Variants in AATK observed in about 807,000 individuals in gnomAD.
AATK encodes the protein serine/threonine-protein kinase LMTK1.
AATK carries 91 observed loss-of-function variants against 114.3 expected under a neutral mutation model. The observed-to-expected ratio is 0.80, with a 90% confidence interval of 0.67 to 0.95. The LOEUF (loss-of-function observed/expected upper bound fraction) is 0.95. AATK is among the 40% of genes least tolerant of loss of function. The pLI is 0.00. For missense variants in AATK, 2,176 were observed against 1,965.2 expected, an observed-to-expected ratio of 1.11 and a Z score of -2.03; for synonymous variants, 1,075 against 916.5, an observed-to-expected ratio of 1.17 and a Z score of -3.12.
At chr17:81,129,440 A>C (rs2060897243) in intron 3 of AATK, among the ~76,000 whole-genome samples, 1 of 152,156 alleles carries the variant, frequency 6.6e-6, no homozygotes, top group Non-Finnish European at 1.5e-5. Flanking sequence ...GGCCCTGGGC[A>C]CTGCCGGAGG....
At chr17:81,147,855 G>A (rs1021009186) in intron 1 of AATK, among the ~76,000 whole-genome samples, 1 of 152,154 alleles carries the variant, frequency 6.6e-6, no homozygotes, top group African/African-American at 2.4e-5. Context: ...GGGCATGAGG[G>A]AAACGTGTCA....
chr17:81,145,245 A>AAAG (rs1555598722), intron 1 of AATK, among the ~76,000 whole-genome samples: 1 of 132,476 alleles, frequency 7.5e-6, no homozygotes, highest in East Asian at 2.2e-4. Flanking sequence ...AAAAAAAAAA[A>AAAG]AAAAAGAAAA....
chr17:81,165,473 C>G, intron 1 of AATK: 1 of 417,796 alleles, frequency 2.4e-6, no homozygotes, highest in South Asian at 2.0e-5. Flanking sequence ...CCCCACATCC[C>G]CCGCCGGCTG....
At chr17:81,141,018 G>GCCGTGGGGA (rs1206971461) in intron 1 of AATK, among the ~76,000 whole-genome samples, 1 of 148,164 alleles carries the variant, frequency 6.7e-6, no homozygotes, top group East Asian at 2.0e-4. Flanking sequence ...GGGCCCATGA[G>GCCGTGGGGA]CCGTGGGGAC....
At position 81,121,514 on chromosome 17, in the gene AATK, G is replaced by A. The variant is rs1199282501; in HGVS notation, c.2422C>T (p.Pro808Ser). Residue 808 changes from proline (P) to serine (S), a missense_variant, in exon 11 of 14, where the codon CCA (proline) becomes TCA (serine). Coordinates refer to ENST00000326724, the MANE Select transcript of AATK (RefSeq NM_001080395.3). ...SVPSPSQEGA[P>S]LPSEEASAPD... ...GCACTGGCCTCCTCCGAGGGAAGTG[G>A]GGCTCCCTCCTGGGATGGGGAGGGG... 1 of 1,548,402 alleles carries A rather than the reference G, an allele frequency of 6.5e-7. No individual in the cohort carries two copies. Among genetic ancestry groups the A allele is most frequent in the Non-Finnish European group, 8.7e-7 (1 of 1,145,042 alleles).
At position 81,121,603 on chromosome 17, in the gene AATK, G is replaced by A; in HGVS notation, c.2333C>T (p.Ala778Val). ...AGCCTCCGTGGCAAGCTTGGGCTCT[G>A]CCTGCGGGTGGTCACCCCCACTACT... ...TASSGGDHPQ[A>V]EPKLATEAEG... Residue 778 changes from alanine (A) to valine (V), a missense_variant, in exon 11 of 14, where the codon GCA (alanine) becomes GTA (valine). Transcript: ENST00000326724. 2.7e-6 allele frequency: 4 copies of A among 1,498,118 alleles called. No individual in the cohort carries two copies. In the South Asian group the frequency reaches 5.4e-5, roughly 20 times the overall value. 92.8% of individuals were successfully genotyped at this position (1,498,118 alleles called of 1,614,324 possible).
chr17:81,120,257 G>A lies in AATK; in HGVS notation c.3679C>T (p.Arg1227Cys), dbSNP rs374195702. 14 of 1,599,336 alleles carry A rather than the reference G, an allele frequency of 8.8e-6. No individual in the cohort carries two copies. Among genetic ancestry groups the A allele is most frequent in the Non-Finnish European group, 1.0e-5 (12 of 1,170,232 alleles). The change falls in exon 11 of 14, where the codon CGC becomes TGC. Residue 1227 changes from arginine to cysteine, a missense_variant. By Grantham distance (180) the Arg-to-Cys change is radical (BLOSUM62 -3). Transcript: ENST00000326724. ...AAGAAGGACACGGCCTTCTTCTTGC[G>A]TTCCAGGTCCTCGCAGAAGGTCTCG... The part of the protein sequence containing the change: ...LSETFCEDLE[R>C]KKKAVSFFDD...
In AATK at chr17:81,122,402, G is replaced by A. The variant is rs1360749347; in HGVS notation, c.1534C>T (p.Pro512Ser). 1.4e-6 allele frequency: 2 copies of A among 1,471,530 alleles called. No homozygotes were observed. Among genetic ancestry groups the A allele is most frequent in the South Asian group, 2.5e-5 (2 of 78,846 alleles). 91.2% of individuals were successfully genotyped at this position (1,471,530 alleles called of 1,614,324 possible). Residue 512 changes from proline (P) to serine (S), a missense_variant, in exon 11 of 14, where the codon CCC (proline) becomes TCC (serine). By Grantham distance (74) the Pro-to-Ser change is moderately conservative. Transcript: ENST00000326724. ...CTGAGCACCGGAACCACGCCCGGGG[G>A]CGCGCCGTCGGGGGCGCACAGCTCC... The part of the protein sequence containing the change: ...LQELCAPDGA[P>S]PGVVPVLSAH...
At chr17:81,122,946 T>A in intron 10 of AATK, 123 bp from the exon 11 acceptor site, 2 of 1,017,830 alleles carry the variant, frequency 2.0e-6, no homozygotes, top group Non-Finnish European at 2.7e-6. Context: ...ATCTCCCACT[T>A]AATTGACACC....
At chr17:81,153,900 G>A (rs915406363) in intron 1 of AATK, among the ~76,000 whole-genome samples, 4 of 152,028 alleles carry the variant, frequency 2.6e-5, no homozygotes, top group African/African-American at 7.2e-5. Flanking sequence ...GTGAAACCCC[G>A]TCTCCACTAA....
At chr17:81,151,302 CCTCCTGTCTCCCCCCT>C (rs2061293171) in intron 1 of AATK, among the ~76,000 whole-genome samples, 1 of 149,948 alleles carries the variant, frequency 6.7e-6, no homozygotes, top group African/African-American at 2.5e-5. Context: ...CCCACCGACC[CCTCCTGTCTCCCCCCT>C]CACCCCTCCT....
rs553285392 is a variant in AATK, at chr17:81,156,743, G to A, written c.55+9195C>T. On this transcript the variant is annotated intron_variant, in intron 1 of 13. Transcript: ENST00000326724. Reference sequence around the variant, plus strand: ...TTTAAATCATTTTTTTCCTGAATTCGGTTTTTGGAATTTTGACCTTTTGGG... The same window carrying A: ...TTTAAATCATTTTTTTCCTGAATTCAGTTTTTGGAATTTTGACCTTTTGGG... Among the ~76,000 whole-genome samples, 16 of 152,202 alleles carry A rather than the reference G, an allele frequency of 1.1e-4. 1 individual carries two copies. In the South Asian group the frequency reaches 2.9e-3, roughly 28 times the overall value.
rs1026042173 is a variant in AATK, at chr17:81,117,355, C to T, written c.*1047G>A. 3.3e-5 allele frequency: 5 copies of T among 152,302 alleles called. No homozygotes were observed. Among genetic ancestry groups the T allele is most frequent in the East Asian group, 1.9e-4 (1 of 5,194 alleles). 9.4% of individuals were successfully genotyped at this position (152,302 alleles called of 1,614,324 possible). ...AAGGAACAAGAAAACATTGCACCAG[C>T]GTTCTAAGCCTCAAACAAAACACAA... On this transcript the variant is annotated 3_prime_UTR_variant, in exon 14 of 14. Transcript: ENST00000326724.
rs1467516157 is a variant in AATK, at chr17:81,151,296, C to T, written c.55+14642G>A. 8.2e-5 allele frequency among the ~76,000 whole-genome samples: 12 copies of T among 147,224 alleles called. 1 individual carries two copies. The highest frequency in any genetic ancestry group is 4.8e-4 in the Admixed American group (7 of 14,718). On this transcript the variant is annotated intron_variant, in intron 1 of 13. Coordinates refer to ENST00000326724, the MANE Select transcript of AATK (RefSeq NM_001080395.3). ...GGCCCAGCCCCACCTGTCTCCCCCA[C>T]CGACCCCTCCTGTCTCCCCCCTCAC...
rs1386569953 is a variant in AATK, at chr17:81,120,758, G to C, written c.3178C>G (p.Leu1060Val). Reference sequence around the variant, plus strand: ...TCTGGGGAGGACCCTTCAAGCTGCAGCAGTGGGGGCAGCACCTCCCCGGGG... The same window carrying C: ...TCTGGGGAGGACCCTTCAAGCTGCACCAGTGGGGGCAGCACCTCCCCGGGG... Reference protein sequence around the residue: ...SGPGEVLPPLLQLEGSSPEPS... With the variant: ...SGPGEVLPPLVQLEGSSPEPS... Residue 1060 changes from leucine (L) to valine (V), a missense_variant, in exon 11 of 14, where the codon CTG becomes GTG. By Grantham distance (32) the Leu-to-Val change is conservative. This residue lies in a region of AATK where 1,701 missense variants were observed against 1,394.7 expected (regional missense o/e 1.22). Coordinates refer to ENST00000326724, the MANE Select transcript of AATK (RefSeq NM_001080395.3). 1 of 1,574,638 alleles carries C rather than the reference G, an allele frequency of 6.4e-7. No individual in the cohort carries two copies. Among genetic ancestry groups the C allele is most frequent in the African/African-American group, 1.3e-5 (1 of 74,366 alleles).
At chr17:81,132,351 G>T (rs4075838) in intron 2 of AATK, among the ~76,000 whole-genome samples, 132,336 of 152,210 alleles carry the variant, frequency 0.87, 57,637 homozygotes, top group East Asian at 0.99. Context: ...CCTCAAGTAC[G>T]ACGTGTGACC....
At chr17:81,138,148 C>G (rs560778169) in intron 1 of AATK, among the ~76,000 whole-genome samples, 1 of 151,126 alleles carries the variant, frequency 6.6e-6, no homozygotes, top group Non-Finnish European at 1.5e-5. Flanking sequence ...CACACATACG[C>G]GCACGCCCAC....
rs2061163070 is a variant in AATK at position 81,143,168 on chromosome 17, C to G, written c.56-8667G>C. 2.0e-5 allele frequency among the ~76,000 whole-genome samples: 3 copies of G among 152,126 alleles called. No individual in the cohort carries two copies. In the South Asian group the frequency reaches 6.2e-4, roughly 32 times the overall value. On this transcript the variant is annotated intron_variant, in intron 1 of 13. Coordinates refer to ENST00000326724, the MANE Select transcript of AATK (RefSeq NM_001080395.3). ...GCTGAGCCTGAGAGTGGCCCCACAG[C>G]CCAAGCCCTTGGCCACACCTGGCTC...
At chr17:81,142,090 G>A (rs2061148340) in intron 1 of AATK, among the ~76,000 whole-genome samples, 1 of 151,070 alleles carries the variant, frequency 6.6e-6, no homozygotes, top group African/African-American at 2.4e-5. Flanking sequence ...CAAGTAGCTG[G>A]GATTACAGGC....
Sources: gnomAD v4.1 joint callset for allele counts (sites outside exome capture counted in the v4.1 genomes callset) on GRCh38, gnomAD v4.1.1 for gene constraint, gnomAD v4.1.1 regional missense constraint, MANE v1.5 for transcripts, NCBI Gene and HGNC (gene_info 2026-07-23, HGNC 2026-07-21) for gene names.